Variants in CCDC66 observed in about 807,000 individuals in gnomAD.
CCDC66 encodes the protein coiled-coil domain containing 66, also known as coiled-coil domain-containing protein 66.
CCDC66 carries 133 observed loss-of-function variants against 128.3 expected under a neutral mutation model. The ratio of observed to expected loss-of-function variants is 1.04; its 90% confidence interval spans 0.90 to 1.20. CCDC66 has a LOEUF of 1.20. Ranked by LOEUF, CCDC66 falls within the 50% of genes most tolerant of loss-of-function variation. CCDC66 has a pLI of 0.00. For missense variants in CCDC66, 1,126 were observed against 1,075.5 expected (o/e 1.05, Z -0.66); for synonymous variants, 387 against 357.0 (o/e 1.08, Z -0.95).
chr3:56,571,384 A>G, intron 7 of CCDC66, 82 bp downstream of exon 7: 1 of 1,128,062 alleles, frequency 8.9e-7, no homozygotes, highest in Non-Finnish European at 1.2e-6. Context: ...ATTAAAAAAA[A>G]AAAGTTTTTT....
chr3:56,621,558 G>T lies in CCDC66; in HGVS notation c.2787G>T (p.Leu929Phe), dbSNP rs777872945. The T allele has an allele frequency of 2.3e-5, 37 of 1,598,802 alleles. No homozygotes were observed. The East Asian group carries it at 8.3e-4, about 36-fold the overall frequency. Residue 929 changes from leucine to phenylalanine, a missense_variant, in exon 18 of 18, where the codon TTG becomes TTT. Transcript: ENST00000394672. ...GCCTTCTCCAGAAGCAAAAGGAGTT[G>T]GAAAGTAGTCTCCTGCCTTTAGCTG... ...RQGLLQKQKELESSLLPLAEN... is the reference protein window; with the variant it reads ...RQGLLQKQKEFESSLLPLAEN...
chr3:56,579,745 C>T (rs1161982717), intron 7 of CCDC66, among the ~76,000 whole-genome samples: 5 of 151,830 alleles, frequency 3.3e-5, no homozygotes, highest in Non-Finnish European at 7.4e-5. Context: ...ATCCTGAGTT[C>T]TAGTTTGATT....
chr3:56,585,332 T>G (rs550626527), intron 7 of CCDC66, among the ~76,000 whole-genome samples: 1 of 151,854 alleles, frequency 6.6e-6, no homozygotes, highest in East Asian at 2.0e-4. Flanking sequence ...AACATTAAAT[T>G]TAAAATACAG....
At chr3:56,613,807 G>T (rs765880513) in intron 11 of CCDC66, 57 bp downstream of exon 11, 222 of 1,455,720 alleles carry the variant, frequency 1.5e-4, no homozygotes, top group Non-Finnish European at 2.0e-4. Context: ...TTGAGACAGG[G>T]TCTCACTCTT....
chr3:56,559,722 T>C (rs1577189225), intron 3 of CCDC66, 128 bp downstream of exon 3: 1 of 663,058 alleles, frequency 1.5e-6, no homozygotes, highest in Non-Finnish European at 2.4e-6. Context: ...TGAGGAGTTA[T>C]TATTTTCTTG....
At chr3:56,604,979 T>C (rs1171530327) in intron 10 of CCDC66, among the ~76,000 whole-genome samples, 1 of 152,046 alleles carries the variant, frequency 6.6e-6, no homozygotes, top group Non-Finnish European at 1.5e-5. Context: ...TTTTCATTCT[T>C]TTTTTTCTAA....
chr3:56,559,702 G>T, intron 3 of CCDC66, 108 bp downstream of exon 3: 1 of 789,370 alleles, frequency 1.3e-6, no homozygotes, highest in Non-Finnish European at 1.9e-6. Flanking sequence ...TAAGGGGTTT[G>T]GAATTATAGT....
chr3:56,578,667 CAT>C (rs1269853285), intron 7 of CCDC66, among the ~76,000 whole-genome samples: 2 of 151,734 alleles, frequency 1.3e-5, no homozygotes, highest in African/African-American at 2.4e-5. Context: ...TTGAGATAAT[CAT>C]GTGGTTTTTG....
chr3:56,573,213 A>G (rs2066877071), intron 7 of CCDC66, among the ~76,000 whole-genome samples: 1 of 152,246 alleles, frequency 6.6e-6, no homozygotes, highest in Non-Finnish European at 1.5e-5. Context: ...TAATGCAAGT[A>G]AAGAACCATT....
chr3:56,584,540 C>T (rs1199460740), intron 7 of CCDC66, among the ~76,000 whole-genome samples: 4 of 151,062 alleles, frequency 2.6e-5, no homozygotes, highest in South Asian at 2.1e-4. Context: ...GATGGGCAGC[C>T]GGGCAGAGAC....
At chr3:56,564,683 G>C (rs1186106275) in intron 4 of CCDC66, among the ~76,000 whole-genome samples, 1 of 152,152 alleles carries the variant, frequency 6.6e-6, no homozygotes, top group Non-Finnish European at 1.5e-5. Context: ...GCATTGTATT[G>C]TGTTTTTAAA....
chr3:56,558,425 T>A (rs761275492), intron 1 of CCDC66, among the ~76,000 whole-genome samples: 9 of 152,244 alleles, frequency 5.9e-5, no homozygotes, highest in Admixed American at 2.0e-4. Flanking sequence ...GCATTGTTAG[T>A]AGTCATATCG....
chr3:56,619,674 G>A, intron 16 of CCDC66, 103 bp from the exon 17 acceptor site: 1 of 1,493,268 alleles, frequency 6.7e-7, no homozygotes, highest in East Asian at 2.3e-5. Flanking sequence ...TACTTTCCTA[G>A]GATACATACT....
Position 56,563,948 on chromosome 3 carries a change from A to G in CCDC66, c.367A>G (p.Asn123Asp), listed in dbSNP as rs200066500. The G allele has an allele frequency of 4.2e-5, 67 of 1,613,968 alleles. No homozygotes were observed. In the East Asian group the frequency reaches 1.3e-3, roughly 31 times the overall value. Reference protein sequence around the residue: ...PATPNMQKTRNTVNTSLVGKQ... With the variant: ...PATPNMQKTRDTVNTSLVGKQ... ...AACCCCTAATATGCAGAAGACTAGA[A>G]ACACCGTAAATACATCTCTAGTAGG... Residue 123 changes from asparagine (N) to aspartate (D), a missense_variant, in exon 4 of 18, where the codon AAC becomes GAC. By Grantham distance (23) the Asn-to-Asp change is conservative. Transcript: ENST00000394672.
At chr3:56,559,668 A>G in intron 3 of CCDC66, 74 bp downstream of exon 3, 1 of 1,139,782 alleles carries the variant, frequency 8.8e-7, no homozygotes, top group South Asian at 1.5e-5. Flanking sequence ...TTAGAAAATA[A>G]TTCCTGGGAA....
At chr3:56,573,837 A>G (rs1381685203) in intron 7 of CCDC66, among the ~76,000 whole-genome samples, 1 of 4,258 alleles carries the variant, frequency 2.3e-4, no homozygotes, top group Non-Finnish European at 7.8e-3. Context: ...GTCCTTGGCC[A>G]AGAGATCCAT....
chr3:56,605,175 T>G (rs755060879), intron 10 of CCDC66, among the ~76,000 whole-genome samples: 4 of 152,070 alleles, frequency 2.6e-5, no homozygotes, highest in Non-Finnish European at 5.9e-5. Context: ...TTGTCTAACC[T>G]TTTTTCAAGG....
rs1003099971 is a variant in CCDC66, at chr3:56,621,832, A to C, written c.*214A>C. 9 of 277,378 alleles carry C rather than the reference A, an allele frequency of 3.2e-5. No individual in the cohort carries two copies. The highest frequency in any genetic ancestry group is 5.0e-5 in the Admixed American group (1 of 20,144). 17.2% of individuals were successfully genotyped at this position (277,378 alleles called of 1,614,324 possible). The stretch of plus-strand genomic sequence containing the variant: ...AAGCTTAGTAGTAAAAAAAAAAAAA[A>C]AAAAACCGGTTCTTCTGCTCTGTCA... On this transcript the variant is annotated 3_prime_UTR_variant, in exon 18 of 18. Coordinates refer to ENST00000394672, the MANE Select transcript of CCDC66 (RefSeq NM_001141947.3).
intron 7 of CCDC66, among the ~76,000 whole-genome samples, chr3:56,590,286 C>G (rs1038521266): frequency 2.0e-5 from 3 of 152,148 alleles, no homozygotes; most frequent in African/African-American, 4.8e-5. Context: ...CTGTAGTGGA[C>G]CATTTGAAAA....
Sources: allele counts gnomAD v4.1 joint callset (sites outside exome capture counted in the v4.1 genomes callset), GRCh38; gene constraint gnomAD v4.1.1; transcripts MANE v1.5; gene names NCBI Gene and HGNC (gene_info 2026-07-23, HGNC 2026-07-21).